PGCKA1: variants seen among roughly 807,000 people sequenced by gnomAD.
PGCKA1 encodes PDCD10 and GCKIII kinases-associated protein 1.
chr4:37,490,079 T>G, the PGCKA1 span, among the ~76,000 whole-genome samples: 205 of 152,256 alleles, frequency 1.3e-3, no homozygotes, highest in African/African-American at 4.4e-3. Flanking sequence ...AAGATTCTTG[T>G]GAATCAAATT....
the PGCKA1 span, among the ~76,000 whole-genome samples, chr4:37,513,098 AAAAG>A: frequency 6.4e-3 from 719 of 112,912 alleles, 3 homozygotes; most frequent in Admixed American, 0.01. Context: ...TCAAAAAAAA[AAAAG>A]AAAGAAAGAA....
chr4:37,502,614 C>T, the PGCKA1 span, among the ~76,000 whole-genome samples: 1 of 152,176 alleles, frequency 6.6e-6, no homozygotes, highest in South Asian at 2.1e-4. Flanking sequence ...GCAACAGAGG[C>T]AGCACAGGGT....
the PGCKA1 span, among the ~76,000 whole-genome samples, chr4:37,476,519 C>T: frequency 7.2e-5 from 11 of 152,142 alleles, no homozygotes; most frequent in African/African-American, 1.9e-4. Flanking sequence ...TATGCAGGCA[C>T]CTAGTAGCTG....
the PGCKA1 span, among the ~76,000 whole-genome samples, chr4:37,459,229 T>C: frequency 6.6e-6 from 1 of 152,170 alleles, no homozygotes; most frequent in Non-Finnish European, 1.5e-5. Context: ...TCAAAGAACA[T>C]ATGGTCTCAT....
the PGCKA1 span, among the ~76,000 whole-genome samples, chr4:37,570,404 C>G: frequency 7.2e-6 from 1 of 138,768 alleles, no homozygotes; most frequent in South Asian, 2.3e-4. Context: ...CAAAGACTGC[C>G]CAAAAGAGTA....
At chr4:37,521,228 G>A in the PGCKA1 span, among the ~76,000 whole-genome samples, 1 of 152,016 alleles carries the variant, frequency 6.6e-6, no homozygotes, top group African/African-American at 2.4e-5. Flanking sequence ...TATTGCTTTT[G>A]CTGGATCCCA....
the PGCKA1 span, among the ~76,000 whole-genome samples, chr4:37,550,781 T>G: frequency 2.6e-5 from 4 of 152,108 alleles, no homozygotes; most frequent in African/African-American, 9.7e-5. Context: ...TCACTTCGTG[T>G]TATGTTTGTG....
At chr4:37,592,040 C>G in the PGCKA1 span, among the ~76,000 whole-genome samples, 113 of 151,876 alleles carry the variant, frequency 7.4e-4, no homozygotes, top group African/African-American at 2.7e-3. Flanking sequence ...AACCCTGTCT[C>G]TACTAAAAAT....
At chr4:37,509,260 A>G in the PGCKA1 span, among the ~76,000 whole-genome samples, 3 of 75,072 alleles carry the variant, frequency 4.0e-5, no homozygotes, top group African/African-American at 1.3e-4. Context: ...GTGGCCAGGC[A>G]GAGGCGCCCC....
chr4:37,556,250 CT>C, the PGCKA1 span, among the ~76,000 whole-genome samples: 7 of 123,620 alleles, frequency 5.7e-5, no homozygotes, highest in South Asian at 5.0e-4. Flanking sequence ...TTTTCTTTTT[CT>C]TTTTTTTGTT....
the PGCKA1 span, among the ~76,000 whole-genome samples, chr4:37,560,486 A>T: frequency 6.6e-6 from 1 of 152,200 alleles, no homozygotes; most frequent in Non-Finnish European, 1.5e-5. Flanking sequence ...CCAGAACTAC[A>T]TGCATTGGCA....
At chr4:37,476,996 C>T in the PGCKA1 span, among the ~76,000 whole-genome samples, 2 of 152,108 alleles carry the variant, frequency 1.3e-5, no homozygotes, top group African/African-American at 4.8e-5. Context: ...CTTGCAATTC[C>T]TTAAAAGTTT....
the PGCKA1 span, chr4:37,590,884 C>T: frequency 3.7e-6 from 6 of 1,614,216 alleles, no homozygotes; most frequent in Non-Finnish European, 5.1e-6. Flanking sequence ...GGAGGATACC[C>T]ATGGCTCCGA....
the PGCKA1 span, among the ~76,000 whole-genome samples, chr4:37,546,313 C>T: frequency 5.9e-5 from 9 of 152,198 alleles, no homozygotes; most frequent in Non-Finnish European, 7.3e-5. Context: ...AAAACCAGGA[C>T]TGGGCCTGCC....
the PGCKA1 span, among the ~76,000 whole-genome samples, chr4:37,470,725 G>A: frequency 6.6e-6 from 1 of 152,162 alleles, no homozygotes; most frequent in Non-Finnish European, 1.5e-5. Context: ...TATATGCTTA[G>A]TATTTTCATT....
chr4:37,475,474 T>A, the PGCKA1 span, among the ~76,000 whole-genome samples: 1 of 152,166 alleles, frequency 6.6e-6, no homozygotes, highest in African/African-American at 2.4e-5. Context: ...AAACATTTTT[T>A]AAAAATGAGT....
At chr4:37,540,368 A>G in the PGCKA1 span, among the ~76,000 whole-genome samples, 466 of 152,366 alleles carry the variant, frequency 3.1e-3, 4 homozygotes, top group African/African-American at 0.01. Context: ...TTTAAAAACT[A>G]CTTAGAATTT....
chr4:37,556,720 G>A, the PGCKA1 span, among the ~76,000 whole-genome samples: 1 of 152,162 alleles, frequency 6.6e-6, no homozygotes, highest in Admixed American at 6.5e-5. Flanking sequence ...TTTGTACTCT[G>A]AATGATATTG....
the PGCKA1 span, among the ~76,000 whole-genome samples, chr4:37,534,890 A>G: frequency 2.6e-5 from 4 of 152,226 alleles, no homozygotes; most frequent in African/African-American, 7.2e-5. Flanking sequence ...CCATAGCAAC[A>G]TTTAGCCTAG....
Sources: gnomAD v4.1 joint callset for allele counts (sites outside exome capture counted in the v4.1 genomes callset) on GRCh38, gnomAD v4.1.1 for gene constraint, MANE v1.5 for transcripts, NCBI Gene and HGNC (gene_info 2026-07-23, HGNC 2026-07-21) for gene names.